The following ADAMTSL1 variants were observed in gnomAD, a reference collection of about 807,000 sequenced individuals.
The protein encoded by ADAMTSL1 is ADAMTS-like protein 1.
Under a neutral mutation model 201.8 loss-of-function variants are expected in ADAMTSL1, and 126 were observed. That is an observed-to-expected ratio of 0.62 (90% CI 0.54 to 0.72). The LOEUF (loss-of-function observed/expected upper bound fraction) is 0.72. Among genes scored for constraint, ADAMTSL1 ranks in the 30% least tolerant of loss-of-function variants. ADAMTSL1 has a pLI of 0.00. For missense variants in ADAMTSL1, 2,679 were observed against 2,277.8 expected, an observed-to-expected ratio of 1.18 and a Z score of -3.59; for synonymous variants, 1,121 against 903.4, an observed-to-expected ratio of 1.24 and a Z score of -4.32.
intron 21 of ADAMTSL1, 61 bp downstream of exon 21, chr9:18,817,298 C>A: frequency 2.0e-6 from 3 of 1,494,922 alleles, no homozygotes; most frequent in Admixed American, 2.1e-5. Context: ...GTTGGGGATA[C>A]AAAGACAAAT....
chr9:18,267,461 C>T (rs547158070), intron 2 of ADAMTSL1, among the ~76,000 whole-genome samples: 1 of 151,998 alleles, frequency 6.6e-6, no homozygotes, highest in African/African-American at 2.4e-5. Context: ...TTTTTCTTGC[C>T]ACCAGAAGAG....
chr9:18,809,293 C>A (rs1563819222), intron 20 of ADAMTSL1, among the ~76,000 whole-genome samples: 1 of 152,116 alleles, frequency 6.6e-6, no homozygotes, highest in Non-Finnish European at 1.5e-5. Context: ...TGCACAGAGA[C>A]CTGAACGACC....
intron 4 of ADAMTSL1, among the ~76,000 whole-genome samples, chr9:18,593,829 A>G (rs534911153): frequency 1.3e-5 from 2 of 152,096 alleles, no homozygotes; most frequent in East Asian, 3.8e-4. Context: ...GTTACCTAAC[A>G]TATGGGCTGT....
At chr9:18,698,582 G>A (rs1220437472) in intron 13 of ADAMTSL1, among the ~76,000 whole-genome samples, 1 of 152,134 alleles carries the variant, frequency 6.6e-6, no homozygotes, top group Non-Finnish European at 1.5e-5. Flanking sequence ...CACCATGCCT[G>A]GACTGTGCCA....
At chr9:18,515,556 C>A (rs1355222270) in intron 2 of ADAMTSL1, among the ~76,000 whole-genome samples, 1 of 152,066 alleles carries the variant, frequency 6.6e-6, no homozygotes, top group Non-Finnish European at 1.5e-5. Context: ...GCTGGTGTCT[C>A]CCTCGTGAGC....
At position 18,085,130 on chromosome 9, in the gene ADAMTSL1, G is replaced by A. The variant is rs181218243; in HGVS notation, c.88-78732G>A. ...ATGAGACTGGAGTGGACTGAACATG[G>A]AAATTAATAGGGAATGTGTAGAGAG... On this transcript the variant is annotated intron_variant, in intron 1 of 29. Transcript: ENST00000680146. 2.0e-3 allele frequency among the ~76,000 whole-genome samples: 299 copies of A among 152,228 alleles called. 1 individual carries two copies. Among genetic ancestry groups the A allele is most frequent in the Non-Finnish European group, 3.1e-3 (213 of 68,010 alleles).
intron 2 of ADAMTSL1, among the ~76,000 whole-genome samples, chr9:18,306,836 AC>A (rs1488327657): frequency 3.9e-5 from 6 of 152,180 alleles, no homozygotes; most frequent in Admixed American, 3.9e-4. Flanking sequence ...TTCAGGAAAT[AC>A]AGAAAACCTC....
intron 2 of ADAMTSL1, among the ~76,000 whole-genome samples, chr9:18,380,356 G>A (rs1286175543): frequency 6.6e-6 from 1 of 152,166 alleles, no homozygotes; most frequent in Non-Finnish European, 1.5e-5. Context: ...AAATGGGGAA[G>A]AAGCAGAATG....
In ADAMTSL1 at chr9:18,502,156, C is replaced by T. The variant is rs116207877; in HGVS notation, c.64-2673C>T. On this transcript the variant is annotated intron_variant, in intron 1 of 28. Coordinates refer to ENST00000380548, the MANE Select transcript of ADAMTSL1 (RefSeq NM_001040272.6). ...AAATGCATTCTGCATGTGAATGCTG[C>T]GTGTGGATTTTCTTTAGTTTTGTTT... Among the ~76,000 whole-genome samples the T allele has an allele frequency of 5.4e-3, 827 of 152,230 alleles. 8 individuals are homozygous for T. Among genetic ancestry groups the T allele is most frequent in the African/African-American group, 0.019 (784 of 41,534 alleles).
chr9:18,467,328 C>G (rs899152043), intron 2 of ADAMTSL1, among the ~76,000 whole-genome samples: 2 of 152,046 alleles, frequency 1.3e-5, no homozygotes, highest in African/African-American at 4.8e-5. Context: ...AATAGAAAAA[C>G]GTTTGCCACC....
At chr9:18,631,603 T>C (rs1826778676) in intron 5 of ADAMTSL1, among the ~76,000 whole-genome samples, 1 of 152,208 alleles carries the variant, frequency 6.6e-6, no homozygotes, top group Admixed American at 6.5e-5. Flanking sequence ...GATATCAGAA[T>C]AGGAAATTCT....
At chr9:18,066,056 A>AGAAT (rs1234150026) in intron 1 of ADAMTSL1, among the ~76,000 whole-genome samples, 2 of 151,752 alleles carry the variant, frequency 1.3e-5, no homozygotes, top group African/African-American at 4.8e-5. Context: ...TTATTTAATC[A>AGAAT]GAATGATTGA....
intron 2 of ADAMTSL1, among the ~76,000 whole-genome samples, chr9:18,276,256 C>CA (rs1418860152): frequency 6.6e-6 from 1 of 152,020 alleles, no homozygotes; most frequent in African/African-American, 2.4e-5. Context: ...AGTTCTTTGT[C>CA]AGATATATGT....
At chr9:17,928,312 C>G (rs940455812) in intron 1 of ADAMTSL1, among the ~76,000 whole-genome samples, 24 of 152,042 alleles carry the variant, frequency 1.6e-4, no homozygotes, top group Non-Finnish European at 2.9e-5. Context: ...TTTCTGTATA[C>G]AAGAAAAGCA....
intron 2 of ADAMTSL1, among the ~76,000 whole-genome samples, chr9:18,299,142 A>G (rs1368515407): frequency 3.3e-5 from 5 of 152,198 alleles, no homozygotes; most frequent in African/African-American, 1.2e-4. Context: ...TTGCAGATAG[A>G]GGAACAGTCT....
chr9:17,972,324 C>CCG (rs1563926605), intron 1 of ADAMTSL1, among the ~76,000 whole-genome samples: 1 of 105,314 alleles, frequency 9.5e-6, no homozygotes, highest in Non-Finnish European at 2.0e-5. Context: ...TCCCCCCAAG[C>CCG]TACAACAGTC....
At chr9:18,314,422 G>C (rs1485404875) in intron 2 of ADAMTSL1, among the ~76,000 whole-genome samples, 1 of 152,086 alleles carries the variant, frequency 6.6e-6, no homozygotes, top group Non-Finnish European at 1.5e-5. Context: ...GTTCCTTCTG[G>C]TGGGTTTGTG....
At chr9:18,306,469 A>G (rs147286432) in intron 2 of ADAMTSL1, among the ~76,000 whole-genome samples, 1 of 152,320 alleles carries the variant, frequency 6.6e-6, no homozygotes, top group Non-Finnish European at 1.5e-5. Flanking sequence ...GAAATTGCTA[A>G]CTAGAATAAC....
intron 2 of ADAMTSL1, among the ~76,000 whole-genome samples, chr9:18,425,402 GA>G (rs34024199): frequency 0.56 from 85,504 of 151,962 alleles, 26,172 homozygotes; most frequent in East Asian, 0.87. Context: ...AGTTCTGTTA[GA>G]ATAGCAAAAA....
Sources: gnomAD v4.1 joint callset for allele counts (sites outside exome capture counted in the v4.1 genomes callset) on GRCh38, gnomAD v4.1.1 for gene constraint, MANE v1.5 for transcripts, NCBI Gene and HGNC (gene_info 2026-07-23, HGNC 2026-07-21) for gene names.